The following PIP5K1A variants were observed in gnomAD, a reference collection of about 807,000 sequenced individuals.
PIP5K1A encodes the protein phosphatidylinositol-4-phosphate 5-kinase type 1 alpha.
A neutral mutation model predicts 72.9 loss-of-function variants in PIP5K1A; 46 were observed. That is an observed-to-expected ratio of 0.63 (90% CI 0.50 to 0.81). The LOEUF (loss-of-function observed/expected upper bound fraction) is 0.81. Among genes scored for constraint, PIP5K1A ranks in the 30% least tolerant of loss-of-function variants. The probability of loss-of-function intolerance (pLI) is 0.00; values close to 1 mark genes in which losing one functional copy is unlikely to be tolerated. For synonymous variants in PIP5K1A, 228 were observed against 255.1 expected, an observed-to-expected ratio of 0.89 and a Z score of 1.01; for missense variants, 458 against 706.1, an observed-to-expected ratio of 0.65 and a Z score of 3.98.
chr1:151,220,511 A>G (rs587593845), intron 1 of PIP5K1A, among the ~76,000 whole-genome samples: 1 of 151,522 alleles, frequency 6.6e-6, no homozygotes, highest in African/African-American at 2.4e-5. Flanking sequence ...TCTTTCGCCC[A>G]GGCAGGAGTG....
chr1:151,246,401 C>A (rs587736300), intron 14 of PIP5K1A, among the ~76,000 whole-genome samples: 1 of 152,090 alleles, frequency 6.6e-6, no homozygotes, highest in Non-Finnish European at 1.5e-5. Flanking sequence ...TGGCAGTATT[C>A]GGTTCCTTGT....
rs114560791 is a variant in PIP5K1A at position 151,239,544 on chromosome 1, T to C, written c.1278+366T>C. Among the ~76,000 whole-genome samples the C allele has an allele frequency of 4.4e-3, 667 of 151,678 alleles. 6 individuals are homozygous for C. The highest frequency in any genetic ancestry group is 0.015 in the African/African-American group (616 of 41,380). ...TACCTTGGCCTCCCAAAGTGCTGAGTTGAGATGGAGTCTCGCTCTGTCACT... is the reference window on the plus strand; with the variant it reads ...TACCTTGGCCTCCCAAAGTGCTGAGCTGAGATGGAGTCTCGCTCTGTCACT... On this transcript the variant is annotated intron_variant, in intron 11 of 15. Coordinates refer to ENST00000368888, the MANE Select transcript of PIP5K1A (RefSeq NM_001135638.2).
intron 12 of PIP5K1A, among the ~76,000 whole-genome samples, 193 bp from the exon 13 acceptor site, chr1:151,241,930 T>G (rs1315091685): frequency 1.3e-5 from 2 of 152,212 alleles, no homozygotes; most frequent in Admixed American, 6.5e-5. Context: ...TTCATGCCTC[T>G]TGGAAAGTGA....
intron 14 of PIP5K1A, 124 bp from the exon 15 acceptor site, chr1:151,246,796 T>C: frequency 3.0e-6 from 2 of 669,606 alleles, no homozygotes; most frequent in Non-Finnish European, 5.2e-6. Flanking sequence ...AGCCTCTTCT[T>C]TCCAAATTCT....
Position 151,249,431 on chromosome 1 carries a change from G to GT in PIP5K1A, c.*1567dup, listed in dbSNP as rs890606817. The GT allele has an allele frequency of 2.0e-5, 3 of 152,066 alleles. No individual in the cohort carries two copies. Among genetic ancestry groups the GT allele is most frequent in the African/African-American group, 7.2e-5 (3 of 41,380 alleles). 9.4% of individuals were successfully genotyped at this position (152,066 alleles called of 1,614,324 possible). A position where few individuals can be genotyped will look rare whatever the true frequency, so the allele number is the denominator to read the frequency against. On this transcript the variant is annotated 3_prime_UTR_variant, in exon 16 of 16. Coordinates refer to ENST00000368888, the MANE Select transcript of PIP5K1A (RefSeq NM_001135638.2). ...AATGGGGAAGCAACATTTTTATTAA[G>GT]TGTTACTATTTGCCTCTACTTTGTA...
intron 1 of PIP5K1A, among the ~76,000 whole-genome samples, chr1:151,214,751 C>T (rs1416453232): frequency 1.3e-5 from 2 of 152,066 alleles, no homozygotes; most frequent in African/African-American, 4.8e-5. Flanking sequence ...TACCTTGTGA[C>T]TGTCGCCCAG....
At chr1:151,235,597 A>C (rs1690739299) in intron 8 of PIP5K1A, among the ~76,000 whole-genome samples, 1 of 152,234 alleles carries the variant, frequency 6.6e-6, no homozygotes, top group Non-Finnish European at 1.5e-5. Flanking sequence ...ACTGAATTGA[A>C]GCTAGTCATA....
chr1:151,230,030 G>C (rs1001752428), intron 4 of PIP5K1A, among the ~76,000 whole-genome samples: 2 of 152,168 alleles, frequency 1.3e-5, no homozygotes, highest in Non-Finnish European at 2.9e-5. Context: ...GGAGCTTGCA[G>C]TGAGCCAAGA....
intron 3 of PIP5K1A, among the ~76,000 whole-genome samples, chr1:151,226,747 C>T (rs923902071): frequency 2.8e-5 from 4 of 140,906 alleles, no homozygotes; most frequent in African/African-American, 1.1e-4. Context: ...TATTTTCTGG[C>T]CGGGCATGGT....
rs752460704 is a variant in PIP5K1A, at chr1:151,242,133, T to C, written c.1374T>C (p.Ser458=). 1.2e-6 allele frequency: 2 copies of C among 1,614,072 alleles called. No individual in the cohort carries two copies. The highest frequency in any genetic ancestry group is 1.7e-6 in the Non-Finnish European group (2 of 1,180,034). The stretch of plus-strand genomic sequence containing the variant: ...CTTTCCCTTTTGAAGTGAAGCCTTC[T>C]CCTTCCAAAAAGTTTCGGTCTGGCT... ...TVFKKIPLKP[S]PSKKFRSGSS... Residue 458 remains serine (S), a synonymous_variant, in exon 13 of 16, where the codon TCT becomes TCC. Coordinates refer to ENST00000368888, the MANE Select transcript of PIP5K1A (RefSeq NM_001135638.2).
chr1:151,207,412 G>A (rs1020368056), intron 1 of PIP5K1A, among the ~76,000 whole-genome samples: 8 of 152,100 alleles, frequency 5.3e-5, no homozygotes, highest in Admixed American at 2.0e-4. Flanking sequence ...TTGTTTGTAG[G>A]ATTAGAAGCA....
chr1:151,239,286 T>G, intron 11 of PIP5K1A, 108 bp downstream of exon 11: 1 of 716,156 alleles, frequency 1.4e-6, no homozygotes, highest in South Asian at 1.8e-5. Context: ...CTTTTTTTTT[T>G]TTTTGAGACA....
intron 14 of PIP5K1A, 128 bp from the exon 15 acceptor site, chr1:151,246,789 CTCT>C: frequency 1.6e-6 from 1 of 636,360 alleles, no homozygotes; most frequent in South Asian, 2.1e-5. Context: ...GCTTCTCAGC[CTCT>C]TCTTTCCAAA....
chr1:151,201,911 G>A (rs1487579155), intron 1 of PIP5K1A, among the ~76,000 whole-genome samples: 1 of 152,058 alleles, frequency 6.6e-6, no homozygotes, highest in African/African-American at 2.4e-5. Flanking sequence ...GCTCTTGATG[G>A]ACTATGGAAA....
Position 151,199,068 on chromosome 1 carries a change from T to C in PIP5K1A, c.72T>C (p.Cys24=). The C allele has an allele frequency of 6.2e-7, 1 of 1,614,136 alleles. No homozygotes were observed. The highest frequency in any genetic ancestry group is 8.5e-7 in the Non-Finnish European group (1 of 1,180,016). ...FSSFDPAVPS[C]TLSSAASGIK... is the part of the protein sequence containing the mutation. ...CCTTTGATCCCGCGGTCCCTTCCTG[T>C]ACCTTGTCCTCAGGTAAGCCCGGCA... The change falls in exon 1 of 16, where the codon TGT becomes TGC. Residue 24 remains cysteine (C), a synonymous_variant. Transcript: ENST00000368888.
chr1:151,220,485 TAA>T (rs1688261894), intron 1 of PIP5K1A, among the ~76,000 whole-genome samples: 1 of 151,886 alleles, frequency 6.6e-6, no homozygotes, highest in Non-Finnish European at 1.5e-5. Context: ...TTTTTTTTTT[TAA>T]GACAGGATTT....
intron 10 of PIP5K1A, 114 bp downstream of exon 10, chr1:151,238,379 C>T: frequency 2.7e-6 from 2 of 737,208 alleles, no homozygotes; most frequent in Non-Finnish European, 2.4e-6. Context: ...CAGTGAGTTG[C>T]AGTCTGGCTA....
In PIP5K1A at chr1:151,204,194, G is replaced by A. The variant is rs1308177504; in HGVS notation, c.85+5113G>A. ...TGTTGATATATATATATATTTTTTTGAGATGGAGTTTCGCTCTTGTTGCCC... is the reference window on the plus strand; with the variant it reads ...TGTTGATATATATATATATTTTTTTAAGATGGAGTTTCGCTCTTGTTGCCC... On this transcript the variant is annotated intron_variant, in intron 1 of 15. Coordinates refer to ENST00000368888, the MANE Select transcript of PIP5K1A (RefSeq NM_001135638.2). Among the ~76,000 whole-genome samples the A allele has an allele frequency of 2.0e-5, 3 of 151,900 alleles. No homozygotes were observed. In the East Asian group the frequency reaches 5.8e-4, roughly 29 times the overall value.
At chr1:151,216,564 T>A (rs1176200030) in intron 1 of PIP5K1A, among the ~76,000 whole-genome samples, 3 of 152,134 alleles carry the variant, frequency 2.0e-5, no homozygotes, top group African/African-American at 7.2e-5. Flanking sequence ...TCCCTTGAAA[T>A]TTTCCTGTAA....
Sources: gnomAD v4.1 joint callset for allele counts (sites outside exome capture counted in the v4.1 genomes callset) on GRCh38, gnomAD v4.1.1 for gene constraint, MANE v1.5 for transcripts, NCBI Gene and HGNC (gene_info 2026-07-23, HGNC 2026-07-21) for gene names.